The following SLFN12L variants were observed in gnomAD, a reference collection of about 807,000 sequenced individuals.
SLFN12L encodes the protein schlafen family member 12 like.
Under a neutral mutation model 34.8 loss-of-function variants are expected in SLFN12L, and 34 were observed. That is an observed-to-expected ratio of 0.98 (90% CI 0.74 to 1.30). The LOEUF (loss-of-function observed/expected upper bound fraction) is 1.30. Among genes scored for constraint, SLFN12L ranks in the 50% most tolerant of loss-of-function variants. The probability of loss-of-function intolerance (pLI) is 0.00; values close to 1 mark genes in which losing one functional copy is unlikely to be tolerated. For synonymous variants in SLFN12L, 259 were observed against 247.5 expected, an observed-to-expected ratio of 1.05 and a Z score of -0.44; for missense variants, 703 against 696.2, an observed-to-expected ratio of 1.01 and a Z score of -0.11.
intron 2 of SLFN12L, among the ~76,000 whole-genome samples, chr17:35,500,746 C>G (rs897188484): frequency 6.6e-6 from 1 of 150,998 alleles, no homozygotes; most frequent in African/African-American, 2.4e-5. Context: ...AAAAAAAGAT[C>G]GACCCCTGAC....
intron 1 of SLFN12L, among the ~76,000 whole-genome samples, chr17:35,534,698 C>A (rs2072442506): frequency 6.6e-6 from 1 of 152,170 alleles, no homozygotes; most frequent in Admixed American, 6.5e-5. Context: ...TGGATAAGAA[C>A]CAGAATGGGC....
chr17:35,513,879 G>T (rs1005600172), intron 2 of SLFN12L, among the ~76,000 whole-genome samples: 1 of 152,154 alleles, frequency 6.6e-6, no homozygotes, highest in Admixed American at 6.5e-5. Flanking sequence ...CAACAATAGA[G>T]TTGTATCATT....
At chr17:35,494,765 G>GC (rs1163318531) in intron 2 of SLFN12L, among the ~76,000 whole-genome samples, 1 of 152,164 alleles carries the variant, frequency 6.6e-6, no homozygotes, top group African/African-American at 2.4e-5. Flanking sequence ...CTGGTTCAGG[G>GC]CCAGGACTGG....
chr17:35,517,702 C>T (rs1248473320), intron 2 of SLFN12L, among the ~76,000 whole-genome samples: 1 of 152,144 alleles, frequency 6.6e-6, no homozygotes, highest in Admixed American at 6.5e-5. Flanking sequence ...AAAACAGATA[C>T]ATCAACCAAT....
intron 2 of SLFN12L, among the ~76,000 whole-genome samples, chr17:35,494,892 T>A (rs758925900): frequency 9.8e-4 from 98 of 99,816 alleles, no homozygotes; most frequent in Admixed American, 1.1e-3. Context: ...TTATTTATTT[T>A]ATTTATTTAT....
intron 2 of SLFN12L, among the ~76,000 whole-genome samples, chr17:35,512,910 A>G (rs552484625): frequency 3.9e-4 from 58 of 150,570 alleles, no homozygotes; most frequent in African/African-American, 1.3e-3. Flanking sequence ...TTGCCCCCTC[A>G]CTCCTCCAGC....
chr17:35,490,269 CA>C, intron 2 of SLFN12L: 5 of 1,512,638 alleles, frequency 3.3e-6, no homozygotes, highest in Admixed American at 1.7e-5. Flanking sequence ...TCGGATGGTT[CA>C]AAAACCCCCA....
intron 4 of SLFN12L, 94 bp from the exon 5 acceptor site, chr17:35,475,579 C>T (rs1171406425): frequency 4.8e-6 from 7 of 1,444,978 alleles, no homozygotes; most frequent in Non-Finnish European, 6.3e-6. Flanking sequence ...AATTCTCCCA[C>T]CAAAAGCAAC....
At chr17:35,487,758 A>G in intron 2 of SLFN12L, 1 of 1,536,032 alleles carries the variant, frequency 6.5e-7, no homozygotes, top group Non-Finnish European at 8.7e-7. Flanking sequence ...ACTCTTCACC[A>G]AGTAGGGGGA....
At chr17:35,535,733 G>A (rs971506481) in intron 1 of SLFN12L, among the ~76,000 whole-genome samples, 9 of 152,080 alleles carry the variant, frequency 5.9e-5, no homozygotes, top group South Asian at 2.1e-4. Flanking sequence ...TCAGCTAACC[G>A]CACCCTCCAC....
At chr17:35,536,599 C>T (rs762769406) in intron 1 of SLFN12L, among the ~76,000 whole-genome samples, 8 of 150,480 alleles carry the variant, frequency 5.3e-5, no homozygotes, top group Non-Finnish European at 7.4e-5. Flanking sequence ...ATTGCTTGAG[C>T]CCAGGAGTTT....
chr17:35,516,091 A>G (rs1042898918), intron 2 of SLFN12L, among the ~76,000 whole-genome samples: 2 of 152,196 alleles, frequency 1.3e-5, no homozygotes, highest in Non-Finnish European at 2.9e-5. Context: ...GGACCATAGA[A>G]TTTGAGAGAC....
chr17:35,498,446 G>A, intron 2 of SLFN12L: 1 of 1,315,006 alleles, frequency 7.6e-7, no homozygotes, highest in African/African-American at 1.4e-5. Context: ...TTGGACGACT[G>A]CGGAATTTTC....
At chr17:35,488,993 C>T (rs996408970) in intron 2 of SLFN12L, among the ~76,000 whole-genome samples, 3 of 152,028 alleles carry the variant, frequency 2.0e-5, no homozygotes, top group Non-Finnish European at 4.4e-5. Flanking sequence ...TCTCTTGAAC[C>T]GGGGAGGCGG....
chr17:35,527,588 C>G (rs904780552), intron 1 of SLFN12L, among the ~76,000 whole-genome samples: 7 of 152,152 alleles, frequency 4.6e-5, no homozygotes, highest in African/African-American at 7.2e-5. Flanking sequence ...ATAAACAGAA[C>G]GAATGACAAA....
At chr17:35,475,557 T>C in intron 4 of SLFN12L, 72 bp from the exon 5 acceptor site, 1 of 1,460,360 alleles carries the variant, frequency 6.8e-7, no homozygotes, top group Non-Finnish European at 9.0e-7. Flanking sequence ...ACAAAGCAGC[T>C]TGTATTAGAT....
In SLFN12L at chr17:35,467,611, C is replaced by T. The variant is rs371188661; in HGVS notation, c.*7312G>A. Among the ~76,000 whole-genome samples the T allele has an allele frequency of 1.6e-4, 24 of 152,246 alleles. No homozygotes were observed. In the South Asian group the frequency reaches 5.0e-3, roughly 32 times the overall value. On this transcript the variant is annotated 3_prime_UTR_variant, in exon 5 of 5. Transcript: ENST00000628453. ...AACAACTTCTTTTAAAGTTCCAGTC[C>T]AACAAATGGACCTCTCAATGGGTCT...
intron 1 of SLFN12L, among the ~76,000 whole-genome samples, chr17:35,524,522 GAAAGAAC>G (rs2072315383): frequency 6.6e-6 from 1 of 152,222 alleles, no homozygotes; most frequent in Non-Finnish European, 1.5e-5. Flanking sequence ...GCTTCCAAAG[GAAAGAAC>G]AGGCAGCAAT....
At chr17:35,530,427 AAGGGAAGGGAAGGGAAGAAAG>A (rs1412558848) in intron 1 of SLFN12L, among the ~76,000 whole-genome samples, 8 of 17,066 alleles carry the variant, frequency 4.7e-4, no homozygotes, top group African/African-American at 1.4e-3. Context: ...GGAAGGAAGG[AAGGGAAGGGAAGGGAAGAAAG>A]AAAGAAAGAA....
Sources: gnomAD v4.1 joint callset for allele counts (sites outside exome capture counted in the v4.1 genomes callset) on GRCh38, gnomAD v4.1.1 for gene constraint, MANE v1.5 for transcripts, NCBI Gene and HGNC (gene_info 2026-07-23, HGNC 2026-07-21) for gene names.